SNX8: variants seen among roughly 807,000 people sequenced by gnomAD.
SNX8 encodes sorting nexin-8.
In SNX8, 25 loss-of-function variants were observed where a neutral mutation model predicts 51.6. The observed-to-expected ratio is 0.48, with a 90% CI of 0.35 to 0.68. The LOEUF (loss-of-function observed/expected upper bound fraction) is 0.68. SNX8 is among the 30% of genes least tolerant of loss of function. The probability of loss-of-function intolerance (pLI) is 0.00; values close to 1 mark genes in which losing one functional copy is unlikely to be tolerated. For missense variants in SNX8, 695 were observed against 624.0 expected, an observed-to-expected ratio of 1.11 and a Z score of -1.21; for synonymous variants, 324 against 277.0, an observed-to-expected ratio of 1.17 and a Z score of -1.68.
chr7:2,316,236 C>T (rs1266087437), upstream of SNX8, among the ~76,000 whole-genome samples: 3 of 148,070 alleles, frequency 2.0e-5, no homozygotes, highest in African/African-American at 7.8e-5. Context: ...ATCCTGCATT[C>T]ATTCATTCAC....
Position 2,341,610 on chromosome 7 carries a change from T to C in SNX8, c.-66+12612A>G, listed in dbSNP as rs111484753. ...TTGCTGGAGCCCAGGAGTTAGAGGCTGCAGTGAGCCATGTTCTCACCACTT... is the reference window on the plus strand; with the variant it reads ...TTGCTGGAGCCCAGGAGTTAGAGGCCGCAGTGAGCCATGTTCTCACCACTT... On this transcript the variant is annotated intron_variant, in intron 1 of 5. Coordinates refer to the SNX8 transcript ENST00000435336. Among the ~76,000 whole-genome samples the C allele has an allele frequency of 8.5e-3, 1,299 of 152,170 alleles. 19 individuals are homozygous for C. Among genetic ancestry groups the C allele is most frequent in the African/African-American group, 0.03 (1,236 of 41,538 alleles).
chr7:2,262,068 C>A (rs56663484), intron 7 of SNX8, among the ~76,000 whole-genome samples: 1 of 152,230 alleles, frequency 6.6e-6, no homozygotes, highest in Non-Finnish European at 1.5e-5. Context: ...GACAGGGTCT[C>A]GCTCTGTCGC....
chr7:2,330,927 G>C (rs1356927583), intron 1 of SNX8, among the ~76,000 whole-genome samples: 1 of 152,100 alleles, frequency 6.6e-6, no homozygotes, highest in East Asian at 1.9e-4. Flanking sequence ...GCTCACGCCT[G>C]TGATCCCAAA....
At chr7:2,314,576 G>C, upstream of SNX8, 2 of 704,986 alleles carry the variant, frequency 2.8e-6, no homozygotes, top group Non-Finnish European at 3.5e-6. Context: ...CGCGCTCCTC[G>C]CCCGGCCTCG....
intron 1 of SNX8, among the ~76,000 whole-genome samples, chr7:2,343,544 G>A (rs376480311): frequency 2.0e-5 from 3 of 151,912 alleles, no homozygotes; most frequent in Non-Finnish European, 2.9e-5. Flanking sequence ...GTGTGGTGGC[G>A]TGCACCTGTA....
At chr7:2,326,810 A>G (rs1778629651) in intron 1 of SNX8, among the ~76,000 whole-genome samples, 1 of 152,024 alleles carries the variant, frequency 6.6e-6, no homozygotes, top group South Asian at 2.1e-4. Context: ...GTGCCATAGA[A>G]AAGTATCGCC....
intron 1 of SNX8, among the ~76,000 whole-genome samples, chr7:2,333,222 G>A (rs528116569): frequency 5.3e-5 from 8 of 151,998 alleles, no homozygotes; most frequent in South Asian, 4.2e-4. Context: ...CCAAGCCCAG[G>A]AGTTTGAGAC....
At chr7:2,325,918 T>A (rs1374499526) in intron 1 of SNX8, among the ~76,000 whole-genome samples, 2 of 152,142 alleles carry the variant, frequency 1.3e-5, no homozygotes, top group Admixed American at 1.3e-4. Context: ...GGGACCCCAT[T>A]ATGTAGTCTC....
At chr7:2,274,496 A>G (rs761674939) in intron 3 of SNX8, among the ~76,000 whole-genome samples, 1 of 152,234 alleles carries the variant, frequency 6.6e-6, no homozygotes, top group Non-Finnish European at 1.5e-5. Flanking sequence ...CGCCATCCCA[A>G]GCTCTGCAGC....
In SNX8 at chr7:2,298,397, T is replaced by C. The variant is rs1309957219; in HGVS notation, c.94+15931A>G. On this transcript the variant is annotated intron_variant, in intron 1 of 10. Coordinates refer to ENST00000222990, the MANE Select transcript of SNX8 (RefSeq NM_013321.4). Reference sequence around the variant, plus strand: ...TTTTGTTTTGTTTTTTGAGACGGAGTCTCATTCTGTCCCCCAGGCTGGAGT... The same window carrying C: ...TTTTGTTTTGTTTTTTGAGACGGAGCCTCATTCTGTCCCCCAGGCTGGAGT... 2.6e-5 allele frequency among the ~76,000 whole-genome samples: 4 copies of C among 152,028 alleles called. 1 individual carries two copies. Among genetic ancestry groups the C allele is most frequent in the African/African-American group, 9.7e-5 (4 of 41,278 alleles).
At chr7:2,255,824 G>A (rs1464413771) in intron 10 of SNX8, among the ~76,000 whole-genome samples, 5 of 152,206 alleles carry the variant, frequency 3.3e-5, no homozygotes, top group African/African-American at 9.6e-5. Flanking sequence ...GGCAAGGAAC[G>A]GATGCTGTGG....
intron 2 of SNX8, among the ~76,000 whole-genome samples, chr7:2,276,312 C>A (rs138613527): frequency 1.3e-5 from 2 of 152,376 alleles, no homozygotes; most frequent in African/African-American, 4.8e-5. Flanking sequence ...ACATCCCCGA[C>A]TGCGGCCCAG....
intron 1 of SNX8, among the ~76,000 whole-genome samples, chr7:2,326,904 G>A (rs1379209522): frequency 6.6e-6 from 1 of 152,016 alleles, no homozygotes; most frequent in South Asian, 2.1e-4. Flanking sequence ...TCATAAGTTC[G>A]AGACCAGCCT....
intron 10 of SNX8, among the ~76,000 whole-genome samples, chr7:2,256,351 CTT>C (rs1273911921): frequency 6.6e-6 from 1 of 152,242 alleles, no homozygotes; most frequent in Admixed American, 6.5e-5. Flanking sequence ...ACTTAATAAA[CTT>C]AATTTCAGCC....
intron 1 of SNX8, among the ~76,000 whole-genome samples, chr7:2,297,982 G>A (rs913124703): frequency 2.6e-5 from 4 of 151,732 alleles, no homozygotes; most frequent in Non-Finnish European, 5.9e-5. Context: ...CTCGACCAAC[G>A]AACAATTCAT....
chr7:2,327,784 C>T (rs1220850714), intron 1 of SNX8, among the ~76,000 whole-genome samples: 9 of 152,170 alleles, frequency 5.9e-5, no homozygotes, highest in African/African-American at 1.7e-4. Flanking sequence ...CCTCGTGATC[C>T]GCCCGCCTTG....
At chr7:2,313,300 T>C (rs932756999) in intron 1 of SNX8, among the ~76,000 whole-genome samples, 1 of 150,868 alleles carries the variant, frequency 6.6e-6, no homozygotes, top group Non-Finnish European at 1.5e-5. Flanking sequence ...CTGAGGTGGT[T>C]GGATCACCTG....
At chr7:2,342,846 G>A (rs1278382462) in intron 1 of SNX8, among the ~76,000 whole-genome samples, 2 of 151,260 alleles carry the variant, frequency 1.3e-5, no homozygotes, top group South Asian at 2.1e-4. Flanking sequence ...TTTTTGAGAC[G>A]GAGTCTCGCT....
intron 3 of SNX8, among the ~76,000 whole-genome samples, chr7:2,272,425 A>G (rs1169922699): frequency 1.3e-5 from 2 of 150,018 alleles, no homozygotes; most frequent in African/African-American, 4.9e-5. Flanking sequence ...CCCAGGCTGG[A>G]GTGCAGTGGC....
Sources: gnomAD v4.1 joint callset for allele counts (sites outside exome capture counted in the v4.1 genomes callset) on GRCh38, gnomAD v4.1.1 for gene constraint, MANE v1.5 for transcripts, NCBI Gene and HGNC (gene_info 2026-07-23, HGNC 2026-07-21) for gene names.